Variants in CLPTM1 observed in about 807,000 individuals in gnomAD.
CLPTM1 encodes putative lipid scramblase CLPTM1.
In CLPTM1, 21 loss-of-function variants were observed where a neutral mutation model predicts 77.3. The observed-to-expected ratio is 0.27, with a 90% CI of 0.19 to 0.39. The LOEUF is 0.39. CLPTM1 is among the 10% of genes least tolerant of loss of function. The pLI is 1.00. For missense variants in CLPTM1, 642 were observed against 921.2 expected (o/e 0.70, Z 3.92); for synonymous variants, 373 against 381.0 (o/e 0.98, Z 0.24).
intron 5 of CLPTM1, among the ~76,000 whole-genome samples, chr19:44,979,392 G>GC (rs1445968302): frequency 1.3e-5 from 2 of 152,148 alleles, no homozygotes; most frequent in African/African-American, 2.4e-5. Flanking sequence ...TCCTCAGAAA[G>GC]CCCCCCATTC....
At chr19:44,973,761 G>GGTTTTTT (rs371741227) in intron 3 of CLPTM1, among the ~76,000 whole-genome samples, 1 of 62,458 alleles carries the variant, frequency 1.6e-5, no homozygotes, top group Non-Finnish European at 3.9e-5. Context: ...GTCACAGTGG[G>GGTTTTTT]TTTTTTTTTT....
intron 2 of CLPTM1, among the ~76,000 whole-genome samples, chr19:44,964,189 G>T (rs187968969): frequency 2.0e-5 from 3 of 152,000 alleles, no homozygotes; most frequent in Non-Finnish European, 4.4e-5. Context: ...TCTAGTCACG[G>T]TGGTACTGAA....
At position 44,990,194 on chromosome 19, in the gene CLPTM1, G is replaced by A. The variant is rs1008266537; in HGVS notation, c.1133-201G>A. The A allele has an allele frequency of 6.8e-6, 4 of 590,234 alleles. No individual in the cohort carries two copies. The highest frequency in any genetic ancestry group is 5.6e-5 in the African/African-American group (3 of 53,694). The allele number at this position is 590,234 out of a possible 1,614,324, so 36.6% of individuals were successfully genotyped here. A position where few individuals can be genotyped will look rare whatever the true frequency, so the allele number is the denominator to read the frequency against. On this transcript the variant is annotated intron_variant, in intron 9 of 13. Coordinates refer to ENST00000337392, the MANE Select transcript of CLPTM1 (RefSeq NM_001294.4). This position sits in a 1 kb window ranked among gnomAD's most constrained non-coding sequence, Gnocchi z 4.8. The stretch of plus-strand genomic sequence containing the variant: ...GACGTCCTATGGGAGGGCTCCAGGG[G>A]TGCCGCCTGTCTGGTGCTCTGGGGG...
chr19:44,980,936 C>T (rs1359794277), intron 5 of CLPTM1, among the ~76,000 whole-genome samples: 1 of 151,628 alleles, frequency 6.6e-6, no homozygotes, highest in African/African-American at 2.4e-5. Context: ...CTCCCGGGTT[C>T]ACGCCATTCT....
At chr19:44,954,753 G>T, upstream of CLPTM1, 1 of 1,339,010 alleles carries the variant, frequency 7.5e-7, no homozygotes, top group South Asian at 1.6e-5. Context: ...CAGTCCGAAG[G>T]CTTGGGGGTG....
At chr19:44,987,989 T>G in intron 8 of CLPTM1, 91 bp from the exon 9 acceptor site, 1 of 943,796 alleles carries the variant, frequency 1.1e-6, no homozygotes, top group Non-Finnish European at 1.7e-6. Context: ...AGCCTCCCTC[T>G]ACAGGCGGCC....
chr19:44,958,791 T>G (rs1013205233), intron 1 of CLPTM1, among the ~76,000 whole-genome samples: 2 of 152,234 alleles, frequency 1.3e-5, no homozygotes, highest in Non-Finnish European at 2.9e-5. Context: ...TGAGAAAGCT[T>G]CTGTCCCCTC....
Position 44,974,535 on chromosome 19 carries a change from T to C in CLPTM1, c.406T>C (p.Trp136Arg). The C allele has an allele frequency of 6.2e-7, 1 of 1,614,224 alleles. No homozygotes were observed. The highest frequency in any genetic ancestry group is 8.5e-7 in the Non-Finnish European group (1 of 1,180,042). Residue 136 changes from tryptophan to arginine, a missense_variant, in exon 4 of 14, where the codon TGG becomes CGG. Trp to Arg is a moderately radical substitution (Grantham distance 101). Around this residue, in one of 2 missense-constraint regions of CLPTM1, gnomAD observed 521 missense variants for 800.4 expected, o/e 0.65. Coordinates refer to ENST00000337392, the MANE Select transcript of CLPTM1 (RefSeq NM_001294.4). ...ACAGCACGATCTTGTGTATGGCGAC[T>C]GGACTAGCGGCGAGAACTCAGACGG... ...WEQHDLVYGD[W>R]TSGENSDGCY...
intron 2 of CLPTM1, among the ~76,000 whole-genome samples, chr19:44,970,623 C>T (rs1970702785): frequency 6.8e-6 from 1 of 146,136 alleles, no homozygotes. Context: ...TCTCAAACTC[C>T]TGGGCTCAAG....
intron 5 of CLPTM1, among the ~76,000 whole-genome samples, chr19:44,983,617 C>CATAAAAAAAAA (rs1970932114): frequency 2.5e-5 from 1 of 39,790 alleles, no homozygotes; most frequent in Non-Finnish European, 3.9e-5. Context: ...GACTCTGTCT[C>CATAAAAAAAAA]AAAAAAAAAA....
At chr19:44,955,081 A>G (rs1970436920), upstream of CLPTM1, 16 of 1,535,750 alleles carry the variant, frequency 1.0e-5, no homozygotes, top group East Asian at 3.9e-4. Context: ...CATATAACCG[A>G]AAAGGCGGGT....
chr19:44,982,087 A>C (rs1970905975), intron 5 of CLPTM1, among the ~76,000 whole-genome samples: 1 of 151,302 alleles, frequency 6.6e-6, no homozygotes, highest in African/African-American at 2.4e-5. Flanking sequence ...GGTGGCTCAC[A>C]TCTGTAATCC....
rs571880452 is a variant in CLPTM1 at position 44,967,279 on chromosome 19, A to G, written c.185+5204A>G. ...GGCTGCAATGGGCCGTGATGATACT[A>G]CTGCACTCCAGCCTAGGCAACAGAG... is the stretch of plus-strand genomic sequence containing the variant. On this transcript the variant is annotated intron_variant, in intron 2 of 13. Coordinates refer to ENST00000337392, the MANE Select transcript of CLPTM1 (RefSeq NM_001294.4). 1.8e-4 allele frequency among the ~76,000 whole-genome samples: 27 copies of G among 152,246 alleles called. 1 individual carries two copies. The South Asian group carries it at 2.7e-3, about 15-fold the overall frequency.
Position 44,992,503 on chromosome 19 carries a change from C to T in CLPTM1, c.1723+103C>T, listed in dbSNP as rs771689989. The T allele has an allele frequency of 5.7e-6, 9 of 1,587,294 alleles. No homozygotes were observed. The South Asian group carries it at 9.0e-5, about 16-fold the overall frequency. ...GTGCCACGGCCCCAGATGGGGTGCT[C>T]AGTCTGAGGGGGCTCGGCCCCGCCC... On this transcript the variant is annotated intron_variant, in intron 13 of 13. Coordinates refer to ENST00000337392, the MANE Select transcript of CLPTM1 (RefSeq NM_001294.4). The surrounding 1 kb of genome is among the most constrained non-coding windows in gnomAD (Gnocchi z 7.7).
upstream of CLPTM1, chr19:44,954,947 G>A (rs1444086711): frequency 2.8e-5 from 42 of 1,527,226 alleles, no homozygotes; most frequent in South Asian, 1.3e-4. Context: ...GGCCAGAAAG[G>A]TTCCTCTGAC....
intron 5 of CLPTM1, among the ~76,000 whole-genome samples, chr19:44,981,772 A>G (rs1970900980): frequency 6.6e-6 from 1 of 151,508 alleles, no homozygotes; most frequent in Non-Finnish European, 1.5e-5. Context: ...TTAGCCAGGC[A>G]TGGTGGCACA....
intron 5 of CLPTM1, among the ~76,000 whole-genome samples, 186 bp downstream of exon 5, chr19:44,977,646 G>T (rs1465338041): frequency 6.6e-6 from 1 of 152,170 alleles, no homozygotes; most frequent in African/African-American, 2.4e-5. Context: ...TGGACACTAA[G>T]CAGGGATACC....
In CLPTM1 at chr19:44,964,603, G is replaced by T. The variant is rs1237954950; in HGVS notation, c.185+2528G>T. Among the ~76,000 whole-genome samples the T allele has an allele frequency of 2.6e-5, 4 of 152,002 alleles. No homozygotes were observed. The South Asian group carries it at 8.3e-4, about 32-fold the overall frequency. On this transcript the variant is annotated intron_variant, in intron 2 of 13. Coordinates refer to ENST00000337392, the MANE Select transcript of CLPTM1 (RefSeq NM_001294.4). ...TGGGATTATAGGCGTGAGCCACCACGCTTGGCCCATTTTAACCATTTTTAA... is the reference window on the plus strand; with the variant it reads ...TGGGATTATAGGCGTGAGCCACCACTCTTGGCCCATTTTAACCATTTTTAA...
chr19:44,973,795 A>C, intron 3 of CLPTM1, among the ~76,000 whole-genome samples: 1 of 118,596 alleles, frequency 8.4e-6, no homozygotes, highest in Admixed American at 9.8e-5. Context: ...ATGGAGTCTC[A>C]CTCTGTCGCC....
Sources: gnomAD v4.1 joint callset for allele counts (sites outside exome capture counted in the v4.1 genomes callset) on GRCh38, gnomAD v4.1.1 for gene constraint, gnomAD v4.1.1 regional missense constraint, Gnocchi (gnomAD v3.1) non-coding constraint, MANE v1.5 for transcripts, NCBI Gene and HGNC (gene_info 2026-07-23, HGNC 2026-07-21) for gene names.